The following IL1RAPL1 variants were observed in gnomAD, a reference collection of about 807,000 sequenced individuals.
IL1RAPL1 encodes the protein interleukin 1 receptor accessory protein like 1, also known as interleukin-1 receptor accessory protein-like 1.
IL1RAPL1 carries 3 observed loss-of-function variants against 48.4 expected under a neutral mutation model. That is an observed-to-expected ratio of 0.06 (90% CI 0.03 to 0.16). IL1RAPL1 has a LOEUF of 0.16. Among genes scored for constraint, IL1RAPL1 ranks in the 10% least tolerant of loss-of-function variants. IL1RAPL1 has a pLI of 1.00. For missense variants in IL1RAPL1, 349 were observed against 530.6 expected, an observed-to-expected ratio of 0.66 and a Z score of 3.36; for synonymous variants, 185 against 187.7, an observed-to-expected ratio of 0.99 and a Z score of 0.12.
intron 2 of IL1RAPL1, among the ~76,000 whole-genome samples, chrX:29,176,425 A>G (rs908395391): frequency 3.6e-5 from 4 of 109,816 alleles, no homozygotes; most frequent in South Asian, 7.8e-4. Context: ...CTGCTGGTCT[A>G]GGAACCACAC....
At chrX:29,718,478 G>A (rs988863216) in intron 6 of IL1RAPL1, among the ~76,000 whole-genome samples, 1 of 107,374 alleles carries the variant, frequency 9.3e-6, no homozygotes, top group African/African-American at 3.4e-5. Flanking sequence ...CTAGGGGAGG[G>A]ATAACATTAG....
intron 2 of IL1RAPL1, among the ~76,000 whole-genome samples, chrX:29,242,427 A>C (rs543549373): frequency 8.9e-6 from 1 of 112,384 alleles, no homozygotes; most frequent in South Asian, 3.7e-4. Flanking sequence ...TCTGAACTTA[A>C]ATGCTACAAG....
At chrX:29,551,257 T>C (rs766699047) in intron 5 of IL1RAPL1, among the ~76,000 whole-genome samples, 1 of 112,280 alleles carries the variant, frequency 8.9e-6, no homozygotes, top group Non-Finnish European at 1.9e-5. Context: ...CTATTGTGAA[T>C]AGTGCTACTA....
At chrX:29,259,115 C>T (rs1282443346) in intron 2 of IL1RAPL1, among the ~76,000 whole-genome samples, 1 of 111,705 alleles carries the variant, frequency 9.0e-6, no homozygotes, top group African/African-American at 3.2e-5. Flanking sequence ...AATTTGGCAG[C>T]TCTTCAAGGG....
intron 6 of IL1RAPL1, among the ~76,000 whole-genome samples, chrX:29,873,949 G>C (rs1931853767): frequency 8.9e-6 from 1 of 111,952 alleles, no homozygotes. Flanking sequence ...TGTGTACCAT[G>C]ACCCAGACAT....
intron 1 of IL1RAPL1, among the ~76,000 whole-genome samples, chrX:28,721,859 C>T (rs1935587382): frequency 9.0e-6 from 1 of 111,238 alleles, no homozygotes; most frequent in Non-Finnish European, 1.9e-5. Flanking sequence ...GGAATCCTTT[C>T]CCCATTTCTT....
chrX:29,111,776 C>T (rs1928571998), intron 2 of IL1RAPL1, among the ~76,000 whole-genome samples: 1 of 111,165 alleles, frequency 9.0e-6, no homozygotes, highest in South Asian at 3.8e-4. Flanking sequence ...AAAATACTAT[C>T]TCATTGAATT....
intron 6 of IL1RAPL1, among the ~76,000 whole-genome samples, chrX:29,836,748 A>G (rs1014277472): frequency 9.0e-6 from 1 of 110,968 alleles, no homozygotes; most frequent in Non-Finnish European, 1.9e-5. Flanking sequence ...TGTGCTGGGC[A>G]CCTATTTCTG....
intron 1 of IL1RAPL1, among the ~76,000 whole-genome samples, chrX:28,691,030 C>T (rs951176427): frequency 9.0e-6 from 1 of 111,569 alleles, no homozygotes; most frequent in Non-Finnish European, 1.9e-5. Context: ...TTAAAGACCT[C>T]CAAAGATTCA....
At chrX:29,070,145 T>C (rs1052004791) in intron 2 of IL1RAPL1, among the ~76,000 whole-genome samples, 3 of 112,041 alleles carry the variant, frequency 2.7e-5, no homozygotes, top group African/African-American at 9.7e-5. Context: ...CAAAACACAA[T>C]TCTGTTCTTT....
At chrX:29,128,867 A>G (rs1184407947) in intron 2 of IL1RAPL1, among the ~76,000 whole-genome samples, 1 of 111,098 alleles carries the variant, frequency 9.0e-6, no homozygotes. Flanking sequence ...GAAATGAACA[A>G]TAATGTTTAG....
At chrX:29,363,272 C>T (rs1041458246) in intron 3 of IL1RAPL1, among the ~76,000 whole-genome samples, 1 of 111,846 alleles carries the variant, frequency 8.9e-6, no homozygotes, top group African/African-American at 3.2e-5. Flanking sequence ...GTGTTAAGTA[C>T]ATTCACATTA....
intron 2 of IL1RAPL1, among the ~76,000 whole-genome samples, chrX:28,818,166 C>A (rs1358174799): frequency 9.0e-6 from 1 of 110,611 alleles, no homozygotes; most frequent in African/African-American, 3.3e-5. Context: ...AACTTTTTAC[C>A]TATTTGGAAC....
intron 2 of IL1RAPL1, among the ~76,000 whole-genome samples, chrX:28,830,679 T>C (rs1372938865): frequency 9.0e-6 from 1 of 111,123 alleles, no homozygotes; most frequent in Non-Finnish European, 1.9e-5. Context: ...TTGATGGCCT[T>C]TTTCTTGTGT....
intron 5 of IL1RAPL1, among the ~76,000 whole-genome samples, chrX:29,515,042 A>G (rs1464199803): frequency 2.7e-5 from 3 of 112,632 alleles, no homozygotes; most frequent in African/African-American, 9.7e-5. Flanking sequence ...AGTCATAGAA[A>G]CTTTCATTTA....
intron 2 of IL1RAPL1, among the ~76,000 whole-genome samples, chrX:29,124,146 A>C (rs1439183686): frequency 2.7e-5 from 3 of 112,139 alleles, no homozygotes; most frequent in Non-Finnish European, 5.6e-5. Flanking sequence ...TAACGGAAAT[A>C]TACTTAAAAG....
intron 2 of IL1RAPL1, among the ~76,000 whole-genome samples, chrX:29,119,767 C>T (rs939842137): frequency 1.7e-4 from 19 of 110,944 alleles, no homozygotes; most frequent in Non-Finnish European, 3.6e-4. Context: ...CTTACCAAGT[C>T]CTAATAGTGA....
chrX:29,356,651 ACC>A (rs747135168), intron 3 of IL1RAPL1, among the ~76,000 whole-genome samples: 25 of 110,901 alleles, frequency 2.3e-4, no homozygotes, highest in Non-Finnish European at 4.2e-4. Context: ...ACTACATTTG[ACC>A]CTATTCCCTC....
chrX:29,627,537 A>G (rs1164672481), intron 5 of IL1RAPL1, among the ~76,000 whole-genome samples: 1 of 111,662 alleles, frequency 9.0e-6, no homozygotes, highest in African/African-American at 3.3e-5. Context: ...TGTTTAACGA[A>G]CTCTCTCTTT....
Sources: gnomAD v4.1 joint callset for allele counts (sites outside exome capture counted in the v4.1 genomes callset) on GRCh38, gnomAD v4.1.1 for gene constraint, MANE v1.5 for transcripts, NCBI Gene and HGNC (gene_info 2026-07-23, HGNC 2026-07-21) for gene names.